NAA30: variants seen among roughly 807,000 people sequenced by gnomAD.
NAA30 encodes N-alpha-acetyltransferase 30, NatC catalytic subunit.
A neutral mutation model predicts 31.4 loss-of-function variants in NAA30; 5 were observed. The ratio of observed to expected loss-of-function variants is 0.16; its 90% CI spans 0.08 to 0.33. The LOEUF (loss-of-function observed/expected upper bound fraction) is 0.33. Among genes scored for constraint, NAA30 ranks in the 10% least tolerant of loss-of-function variants. NAA30 has a pLI of 1.00. For synonymous variants in NAA30, 222 were observed against 207.1 expected, an observed-to-expected ratio of 1.07 and a Z score of -0.62; for missense variants, 428 against 490.8, an observed-to-expected ratio of 0.87 and a Z score of 1.21.
rs1173180035 is a variant in NAA30, at chr14:57,415,391, T to C, written c.*5875T>C. On this transcript the variant is annotated 3_prime_UTR_variant, in exon 5 of 5. Transcript: ENST00000556492. ...CTTTCATGCCAAAGAAACTCACCCT[T>C]TTTAAAAGCCAGCAGGTTGCACAAA... The C allele has an allele frequency of 6.6e-6, 1 of 152,178 alleles. No individual in the cohort carries two copies. Among genetic ancestry groups the C allele is most frequent in the Non-Finnish European group, 1.5e-5 (1 of 68,026 alleles). The allele number at this position is 152,178 out of a possible 1,614,324, so 9.4% of individuals were successfully genotyped here. A position where few individuals can be genotyped will look rare whatever the true frequency, so the allele number is the denominator to read the frequency against.
chr14:57,400,193 CT>C (rs1351161323), intron 4 of NAA30, among the ~76,000 whole-genome samples: 3 of 152,156 alleles, frequency 2.0e-5, no homozygotes, highest in African/African-American at 7.2e-5. Context: ...TTATAATTTG[CT>C]TACATATTGG....
intron 4 of NAA30, among the ~76,000 whole-genome samples, chr14:57,403,427 A>G (rs890515050): frequency 6.6e-6 from 1 of 152,216 alleles, no homozygotes; most frequent in Non-Finnish European, 1.5e-5. Context: ...TGAAAGGTAG[A>G]TGTTTTTCTC....
intron 4 of NAA30, among the ~76,000 whole-genome samples, chr14:57,406,865 TAA>T (rs2066500240): frequency 1.3e-5 from 2 of 152,170 alleles, no homozygotes; most frequent in Non-Finnish European, 1.5e-5. Context: ...ACTAGAAATT[TAA>T]TTATGTCTGT....
Position 57,415,276 on chromosome 14 carries a change from A to G in NAA30, c.*5760A>G, listed in dbSNP as rs1427953311. ...GTCTCCTTGACCGAGGGATTTTAGT[A>G]TAAGTATTTAGTGAGATTTGTATTC... On this transcript the variant is annotated 3_prime_UTR_variant, in exon 5 of 5. Transcript: ENST00000556492. 2 of 152,200 alleles carry G rather than the reference A, an allele frequency of 1.3e-5. No individual in the cohort carries two copies. The highest frequency in any genetic ancestry group is 2.1e-4 in the South Asian group (1 of 4,834). 9.4% of individuals were successfully genotyped at this position (152,200 alleles called of 1,614,324 possible).
intron 2 of NAA30, among the ~76,000 whole-genome samples, chr14:57,395,839 A>G (rs925286425): frequency 1.3e-5 from 2 of 152,222 alleles, no homozygotes; most frequent in African/African-American, 2.4e-5. Context: ...CCTCTTGGGT[A>G]TGGTCTAAGC....
At chr14:57,406,984 C>G (rs1332590791) in intron 4 of NAA30, among the ~76,000 whole-genome samples, 4 of 152,170 alleles carry the variant, frequency 2.6e-5, no homozygotes, top group Non-Finnish European at 5.9e-5. Context: ...CCTCAACCCC[C>G]TCGGCTCAAG....
chr14:57,398,276 C>A (rs892958537), intron 3 of NAA30, among the ~76,000 whole-genome samples: 1 of 151,960 alleles, frequency 6.6e-6, no homozygotes, highest in South Asian at 2.1e-4. Context: ...TAAGTTTGAG[C>A]CTTTGATGCA....
In NAA30 at chr14:57,411,243, C is replaced by T. The variant is rs925253747; in HGVS notation, c.*1727C>T. 1 of 151,834 alleles carries T rather than the reference C, an allele frequency of 6.6e-6. No homozygotes were observed. Among genetic ancestry groups the T allele is most frequent in the African/African-American group, 2.4e-5 (1 of 41,370 alleles). The allele number at this position is 151,834 out of a possible 1,614,324, so 9.4% of individuals were successfully genotyped here. On this transcript the variant is annotated 3_prime_UTR_variant, in exon 5 of 5. Coordinates refer to ENST00000556492, the MANE Select transcript of NAA30 (RefSeq NM_001011713.3). Reference sequence around the variant, plus strand: ...AAAATGTTTTCCTTTTTATATTGCTCTTGAAAGTTTAATGAGCAGAATACA... The same window carrying T: ...AAAATGTTTTCCTTTTTATATTGCTTTTGAAAGTTTAATGAGCAGAATACA...
chr14:57,393,326 G>A (rs1566547982), intron 2 of NAA30, among the ~76,000 whole-genome samples: 1 of 152,266 alleles, frequency 6.6e-6, no homozygotes, highest in South Asian at 2.1e-4. Flanking sequence ...ACCAGCTAAT[G>A]TGTATGTTAG....
At chr14:57,404,236 C>T (rs1348031711) in intron 4 of NAA30, among the ~76,000 whole-genome samples, 1 of 152,048 alleles carries the variant, frequency 6.6e-6, no homozygotes, top group Admixed American at 6.6e-5. Flanking sequence ...GCAGGAGAAT[C>T]ACTTGAACCC....
rs572991021 is a variant in NAA30 at position 57,411,824 on chromosome 14, G to C, written c.*2308G>C. 5.1e-4 allele frequency: 77 copies of C among 152,258 alleles called. No homozygotes were observed. Among genetic ancestry groups the C allele is most frequent in the African/African-American group, 1.7e-3 (72 of 41,560 alleles). The allele number at this position is 152,258 out of a possible 1,614,324, so 9.4% of individuals were successfully genotyped here. A position where few individuals can be genotyped will look rare whatever the true frequency, so the allele number is the denominator to read the frequency against. On this transcript the variant is annotated 3_prime_UTR_variant, in exon 5 of 5. Transcript: ENST00000556492. ...ACCAACACTGAAAGACTCCATTCAG[G>C]TTGAAGTAGCCTCAAACAGTAATTT...
chr14:57,394,677 G>T (rs1270052598), intron 2 of NAA30, among the ~76,000 whole-genome samples: 1 of 152,128 alleles, frequency 6.6e-6, no homozygotes, highest in Non-Finnish European at 1.5e-5. Context: ...AAATTAGGAA[G>T]AAATCAGGTC....
At chr14:57,396,413 G>GGTAC (rs1310427989) in intron 2 of NAA30, among the ~76,000 whole-genome samples, 1 of 150,774 alleles carries the variant, frequency 6.6e-6, no homozygotes, top group African/African-American at 2.4e-5. Context: ...CAGAACCTTA[G>GGTAC]GTCTTTGTTG....
At chr14:57,398,625 T>C (rs575130896) in intron 3 of NAA30, among the ~76,000 whole-genome samples, 3 of 98,444 alleles carry the variant, frequency 3.0e-5, no homozygotes, top group South Asian at 9.4e-4. Flanking sequence ...ACCCAGCTGA[T>C]TTATTTTTTT....
chr14:57,404,886 A>G (rs1369193094), intron 4 of NAA30, among the ~76,000 whole-genome samples: 1 of 152,172 alleles, frequency 6.6e-6, no homozygotes, highest in Non-Finnish European at 1.5e-5. Context: ...CCCACAGCAC[A>G]TGGGGATTCA....
chr14:57,399,832 T>C lies in NAA30; in HGVS notation c.900T>C (p.Thr300=). Residue 300 remains threonine, a synonymous_variant, in exon 4 of 5, where the codon ACT becomes ACC. Coordinates refer to ENST00000556492, the MANE Select transcript of NAA30 (RefSeq NM_001011713.3). ...DSKYRRNGIG[T]NLVKKAIYAM... The stretch of plus-strand genomic sequence containing the variant: ...ATACTCAGATCTATATTCTAGGTAC[T>C]AACTTGGTTAAGAAAGCTATATATG... 1 of 1,505,830 alleles carries C rather than the reference T, an allele frequency of 6.6e-7. No individual in the cohort carries two copies. The highest frequency in any genetic ancestry group is 1.2e-5 in the South Asian group (1 of 86,804). The allele number at this position is 1,505,830 out of a possible 1,614,324, so 93.3% of individuals were successfully genotyped here.
At chr14:57,392,050 A>T (rs1332893671) in intron 2 of NAA30, among the ~76,000 whole-genome samples, 1 of 152,194 alleles carries the variant, frequency 6.6e-6, no homozygotes, top group African/African-American at 2.4e-5. Flanking sequence ...CCGCATCCTC[A>T]AACACTTTAC....
chr14:57,405,812 G>A (rs1262094913), intron 4 of NAA30, among the ~76,000 whole-genome samples: 2 of 152,182 alleles, frequency 1.3e-5, no homozygotes, highest in Non-Finnish European at 2.9e-5. Flanking sequence ...CTCTCCAGGA[G>A]CTTCCAGCCT....
chr14:57,396,120 G>A (rs200739986), intron 2 of NAA30, among the ~76,000 whole-genome samples: 5 of 152,042 alleles, frequency 3.3e-5, no homozygotes, highest in Non-Finnish European at 7.4e-5. Flanking sequence ...AACTACAGGT[G>A]CATGCCACCA....
Sources: gnomAD v4.1 joint callset for allele counts (sites outside exome capture counted in the v4.1 genomes callset) on GRCh38, gnomAD v4.1.1 for gene constraint, MANE v1.5 for transcripts, NCBI Gene and HGNC (gene_info 2026-07-23, HGNC 2026-07-21) for gene names.